TTLL5: variants seen among roughly 807,000 people sequenced by gnomAD.
The protein encoded by TTLL5 is tubulin tyrosine ligase like 5.
Under a neutral mutation model 168.4 loss-of-function variants are expected in TTLL5, and 132 were observed. That is an observed-to-expected ratio of 0.78 (90% CI 0.68 to 0.91). TTLL5 has a LOEUF of 0.91. Among genes scored for constraint, TTLL5 ranks in the 40% least tolerant of loss-of-function variants. TTLL5 has a pLI of 0.00. For missense variants in TTLL5, 1,545 were observed against 1,581.5 expected (o/e 0.98, Z 0.39); for synonymous variants, 546 against 558.6 (o/e 0.98, Z 0.32).
chr14:75,777,783 A>T (rs965700877), intron 23 of TTLL5, among the ~76,000 whole-genome samples: 1 of 152,138 alleles, frequency 6.6e-6, no homozygotes, highest in African/African-American at 2.4e-5. Context: ...TCACCAGCAT[A>T]ATATAATCTT....
intron 3 of TTLL5, among the ~76,000 whole-genome samples, chr14:75,671,846 T>C (rs1883775835): frequency 6.6e-6 from 1 of 152,226 alleles, no homozygotes; most frequent in Admixed American, 6.5e-5. Flanking sequence ...GTTCTTTCTC[T>C]CCAACGTGGA....
intron 2 of TTLL5, among the ~76,000 whole-genome samples, chr14:75,665,412 G>A (rs1883184919): frequency 1.3e-5 from 2 of 152,148 alleles, no homozygotes; most frequent in Non-Finnish European, 2.9e-5. Context: ...AGTGTGAGGT[G>A]TCATCATTTA....
chr14:75,674,869 T>A (rs1054043060), intron 3 of TTLL5, among the ~76,000 whole-genome samples: 1 of 152,092 alleles, frequency 6.6e-6, no homozygotes, highest in Non-Finnish European at 1.5e-5. Flanking sequence ...TATATTTTAT[T>A]TAACCCAATA....
intron 28 of TTLL5, among the ~76,000 whole-genome samples, chr14:75,846,434 A>G (rs1896543315): frequency 6.6e-6 from 1 of 152,222 alleles, no homozygotes; most frequent in Non-Finnish European, 1.5e-5. Flanking sequence ...TAAAAAGCAT[A>G]TGGTTTAATA....
At chr14:75,772,289 G>C (rs1891381893) in intron 21 of TTLL5, among the ~76,000 whole-genome samples, 1 of 152,112 alleles carries the variant, frequency 6.6e-6, no homozygotes, top group South Asian at 2.1e-4. Context: ...AGGTTCCACA[G>C]GTTATACGTG....
chr14:75,727,584 A>G (rs1415240191), intron 12 of TTLL5, among the ~76,000 whole-genome samples: 3 of 152,222 alleles, frequency 2.0e-5, no homozygotes, highest in Non-Finnish European at 4.4e-5. Context: ...AAATTGTCCT[A>G]TGTCTTGTGG....
intron 28 of TTLL5, among the ~76,000 whole-genome samples, chr14:75,851,604 C>T (rs375326293): frequency 1.1e-4 from 17 of 152,276 alleles, no homozygotes; most frequent in African/African-American, 3.6e-4. Context: ...CATTCTGCAG[C>T]GGGATTGGCG....
intron 15 of TTLL5, among the ~76,000 whole-genome samples, chr14:75,741,985 A>T (rs1314706298): frequency 6.6e-6 from 1 of 152,226 alleles, no homozygotes; most frequent in Admixed American, 6.5e-5. Flanking sequence ...AGCCAGGAAT[A>T]TTAAAAAAAC....
chr14:75,701,299 G>T (rs1422445025), intron 7 of TTLL5, among the ~76,000 whole-genome samples: 1 of 152,072 alleles, frequency 6.6e-6, no homozygotes, highest in Non-Finnish European at 1.5e-5. Flanking sequence ...TATTGGGATT[G>T]TCTTTTCCCC....
intron 27 of TTLL5, among the ~76,000 whole-genome samples, chr14:75,812,485 T>C (rs1354028336): frequency 6.6e-6 from 1 of 152,242 alleles, no homozygotes; most frequent in Non-Finnish European, 1.5e-5. Flanking sequence ...CTTGGAATTT[T>C]CTGAAGTTTG....
intron 9 of TTLL5, chr14:75,710,992 T>C (rs1295853873): frequency 6.6e-6 from 1 of 152,242 alleles, no homozygotes; most frequent in Non-Finnish European, 1.5e-5. Context: ...AAATTAATAC[T>C]AGGCGACAGA....
chr14:75,851,242 TAC>T (rs554469193), intron 28 of TTLL5, among the ~76,000 whole-genome samples: 1 of 151,726 alleles, frequency 6.6e-6, no homozygotes, highest in Non-Finnish European at 1.5e-5. Flanking sequence ...GCAAGGGAAA[TAC>T]ACACAGAGGA....
chr14:75,870,277 T>C (rs542749012), intron 29 of TTLL5, among the ~76,000 whole-genome samples: 1 of 151,616 alleles, frequency 6.6e-6, no homozygotes, highest in African/African-American at 2.4e-5. Context: ...TTTTTTTTTT[T>C]TTCCTTTTTC....
intron 2 of TTLL5, among the ~76,000 whole-genome samples, chr14:75,667,072 T>G (rs1306803900): frequency 6.6e-6 from 1 of 152,210 alleles, no homozygotes; most frequent in Non-Finnish European, 1.5e-5. Flanking sequence ...TAAGTGCTTT[T>G]TTTTTTTAGC....
intron 6 of TTLL5, among the ~76,000 whole-genome samples, chr14:75,694,823 C>T (rs1885718905): frequency 1.3e-5 from 2 of 152,182 alleles, no homozygotes; most frequent in African/African-American, 2.4e-5. Context: ...TTATCACTTC[C>T]CTAATCAATA....
At chr14:75,920,470 G>T (rs2033786934) in intron 31 of TTLL5, among the ~76,000 whole-genome samples, 1 of 152,130 alleles carries the variant, frequency 6.6e-6, no homozygotes, top group Admixed American at 6.5e-5. Flanking sequence ...TCATTGTTCA[G>T]TTCCCACCTG....
chr14:75,830,877 T>C (rs1211897853), intron 28 of TTLL5, among the ~76,000 whole-genome samples: 1 of 152,220 alleles, frequency 6.6e-6, no homozygotes, highest in African/African-American at 2.4e-5. Flanking sequence ...CCTTCCCTGA[T>C]GTCCCAAGCA....
intron 3 of TTLL5, among the ~76,000 whole-genome samples, chr14:75,681,313 T>G (rs572321019): frequency 1.3e-5 from 2 of 152,354 alleles, no homozygotes; most frequent in South Asian, 4.1e-4. Context: ...TTGTTAAATT[T>G]CAACTAGAAA....
intron 28 of TTLL5, among the ~76,000 whole-genome samples, chr14:75,855,150 G>GA (rs55874311): frequency 1.1e-4 from 14 of 130,496 alleles, no homozygotes; most frequent in Non-Finnish European, 1.8e-4. Context: ...TATGCTAGAA[G>GA]AAAAAAAAAA....
Sources: allele counts gnomAD v4.1 joint callset (sites outside exome capture counted in the v4.1 genomes callset), GRCh38; gene constraint gnomAD v4.1.1; transcripts MANE v1.5; gene names NCBI Gene and HGNC (gene_info 2026-07-23, HGNC 2026-07-21).